ACKR2: variants seen among roughly 807,000 people sequenced by gnomAD.
ACKR2 encodes atypical chemokine receptor 2.
For synonymous variants in ACKR2, 207 were observed against 192.2 expected (o/e 1.08, Z -0.64); for missense variants, 457 against 477.3 (o/e 0.96, Z 0.40).
rs148609459 is a variant in ACKR2, at chr3:42,856,003, C to T, written c.-37-8463C>T. 856 of 205,170 alleles carry T rather than the reference C, an allele frequency of 4.2e-3. 12 individuals carry two copies. The highest frequency in any genetic ancestry group is 0.018 in the African/African-American group (778 of 43,646). 12.7% of individuals were successfully genotyped at this position (205,170 alleles called of 1,614,324 possible). On this transcript the variant is annotated intron_variant, in intron 2 of 2. Coordinates refer to ENST00000422265, the MANE Select transcript of ACKR2 (RefSeq NM_001296.5). Reference sequence around the variant, plus strand: ...CAATGTCAACTCCTGAGTAATAAGCCCTGATAAGACCCGAGTATACTCCTC... The same window carrying T: ...CAATGTCAACTCCTGAGTAATAAGCTCTGATAAGACCCGAGTATACTCCTC...
At chr3:42,828,092 A>ATATATTTTTTTTTTTTT (rs1193533555) in intron 2 of ACKR2, among the ~76,000 whole-genome samples, 12 of 121,888 alleles carry the variant, frequency 9.8e-5, no homozygotes, top group South Asian at 5.6e-4. Context: ...ATATATATAT[A>ATATATTTTTTTTTTTTT]TTTTTTTTTT....
At chr3:42,850,267 C>G (rs1358924988) in intron 2 of ACKR2, among the ~76,000 whole-genome samples, 3 of 152,132 alleles carry the variant, frequency 2.0e-5, no homozygotes, top group Non-Finnish European at 4.4e-5. Flanking sequence ...TCTTGGTAGC[C>G]TGTGGACCCC....
chr3:42,829,890 G>C (rs1700912834), intron 2 of ACKR2, among the ~76,000 whole-genome samples: 2 of 152,180 alleles, frequency 1.3e-5, no homozygotes, highest in South Asian at 4.1e-4. Context: ...GAAGAGTTTA[G>C]GGGCAGCAGG....
intron 2 of ACKR2, among the ~76,000 whole-genome samples, chr3:42,864,113 A>G (rs1274845966): frequency 6.6e-6 from 1 of 152,216 alleles, no homozygotes; most frequent in Non-Finnish European, 1.5e-5. Context: ...AGATGAATTG[A>G]TATCCCTAAA....
chr3:42,856,435 A>C (rs1216894099), intron 2 of ACKR2: 1 of 702,018 alleles, frequency 1.4e-6, no homozygotes, highest in South Asian at 1.5e-5. Flanking sequence ...CTTTGGGTCA[A>C]CTGAGGACCC....
intron 2 of ACKR2, among the ~76,000 whole-genome samples, chr3:42,856,751 G>T (rs1202512980): frequency 6.6e-6 from 1 of 151,602 alleles, no homozygotes; most frequent in African/African-American, 2.4e-5. Flanking sequence ...GCAGTCTACA[G>T]GCCTCTCTTC....
chr3:42,862,773 C>T lies in ACKR2; in HGVS notation c.-37-1693C>T, dbSNP rs11707130. Among the ~76,000 whole-genome samples, 1,367 of 152,124 alleles carry T rather than the reference C, an allele frequency of 9.0e-3. 9 individuals carry two copies. The highest frequency in any genetic ancestry group is 0.013 in the Non-Finnish European group (906 of 67,974). ...AAGCAATGGGGAAAGGATTCTCTAT[C>T]TAATAAATGGTGTTGGGAAAACTGG... On this transcript the variant is annotated intron_variant, in intron 2 of 2. Coordinates refer to ENST00000422265, the MANE Select transcript of ACKR2 (RefSeq NM_001296.5).
At position 42,864,853 on chromosome 3, in the gene ACKR2, C is replaced by T. The variant is rs1362269725; in HGVS notation, c.351C>T (p.Cys117=). The T allele has an allele frequency of 6.2e-7, 1 of 1,614,180 alleles. No individual in the cohort carries two copies. The highest frequency in any genetic ancestry group is 8.5e-7 in the Non-Finnish European group (1 of 1,180,030). The change falls in exon 3 of 3, where the codon TGC becomes TGT. Residue 117 remains cysteine (C), a synonymous_variant. Coordinates refer to ENST00000422265, the MANE Select transcript of ACKR2 (RefSeq NM_001296.5). ...ATTGGGTCTTCGGGAGTTTCTTGTGCAAGATGGTGAGCACTCTTTATACTA... is the reference window on the plus strand; with the variant it reads ...ATTGGGTCTTCGGGAGTTTCTTGTGTAAGATGGTGAGCACTCTTTATACTA... ...AWHWVFGSFL[C]KMVSTLYTIN... is the part of the protein sequence containing the mutation.
chr3:42,817,072 C>A (rs990095156), intron 1 of ACKR2, among the ~76,000 whole-genome samples: 2 of 152,110 alleles, frequency 1.3e-5, no homozygotes, highest in African/African-American at 2.4e-5. Flanking sequence ...TTCATCAACA[C>A]AATGGGGATA....
At chr3:42,860,721 T>C (rs146497884) in intron 2 of ACKR2, among the ~76,000 whole-genome samples, 17 of 152,222 alleles carry the variant, frequency 1.1e-4, no homozygotes, top group Non-Finnish European at 2.4e-4. Context: ...CTCAAAACTA[T>C]ACAACTACAT....
At chr3:42,822,813 C>CAAAAAAAAAA (rs71072739) in intron 2 of ACKR2, among the ~76,000 whole-genome samples, 1 of 81,906 alleles carries the variant, frequency 1.2e-5, no homozygotes, top group Non-Finnish European at 2.2e-5. Flanking sequence ...GACTCCAGCT[C>CAAAAAAAAAA]AAAAAAAAAA....
At chr3:42,862,603 C>T (rs1360781008) in intron 2 of ACKR2, among the ~76,000 whole-genome samples, 1 of 152,192 alleles carries the variant, frequency 6.6e-6, no homozygotes, top group African/African-American at 2.4e-5. Context: ...TACCTGACTT[C>T]AAACTATACT....
chr3:42,825,602 C>T (rs201981851), intron 2 of ACKR2, among the ~76,000 whole-genome samples: 115 of 69,554 alleles, frequency 1.7e-3, no homozygotes, highest in African/African-American at 4.3e-3. Flanking sequence ...TGTGTGTGTG[C>T]GTGTGTGTGT....
At chr3:42,840,546 C>T (rs1701026696) in intron 2 of ACKR2, among the ~76,000 whole-genome samples, 1 of 152,180 alleles carries the variant, frequency 6.6e-6, no homozygotes, top group Non-Finnish European at 1.5e-5. Flanking sequence ...TAGTAATGCC[C>T]ATTTTTCAGA....
At position 42,858,045 on chromosome 3, in the gene ACKR2, C is replaced by T. The variant is rs193157931; in HGVS notation, c.-37-6421C>T. On this transcript the variant is annotated intron_variant, in intron 2 of 2. Coordinates refer to ENST00000422265, the MANE Select transcript of ACKR2 (RefSeq NM_001296.5). ...CAGTCAGGGGCTTATAGATAAAACT[C>T]GCATTTCCCTGGGCCAGAGCACCTG... Among the ~76,000 whole-genome samples, 251 of 152,342 alleles carry T rather than the reference C, an allele frequency of 1.6e-3. 2 individuals are homozygous for T. Among genetic ancestry groups the T allele is most frequent in the African/African-American group, 5.5e-3 (230 of 41,580 alleles).
chr3:42,813,634 C>T (rs1470576633), intron 1 of ACKR2, among the ~76,000 whole-genome samples: 1 of 152,210 alleles, frequency 6.6e-6, no homozygotes, highest in Non-Finnish European at 1.5e-5. Context: ...TACCAGGCCC[C>T]TCCTCCAACA....
chr3:42,833,096 T>C (rs9811893), intron 2 of ACKR2, among the ~76,000 whole-genome samples: 310 of 152,336 alleles, frequency 2.0e-3, no homozygotes, highest in African/African-American at 7.0e-3. Flanking sequence ...ACTCCTGGGC[T>C]CAAGCGATCT....
intron 2 of ACKR2, chr3:42,834,564 A>T (rs1700967458): frequency 6.6e-6 from 1 of 151,594 alleles, no homozygotes; most frequent in South Asian, 2.1e-4. Context: ...TAATTTTTTA[A>T]TTAATTAATT....
chr3:42,835,643 C>G (rs1023546845), intron 2 of ACKR2: 2 of 152,184 alleles, frequency 1.3e-5, no homozygotes, highest in Admixed American at 6.5e-5. Context: ...TGAAGAGTCC[C>G]AAGTCACACT....
Sources: allele counts gnomAD v4.1 joint callset (sites outside exome capture counted in the v4.1 genomes callset), GRCh38; gene constraint gnomAD v4.1.1; transcripts MANE v1.5; gene names NCBI Gene and HGNC (gene_info 2026-07-23, HGNC 2026-07-21).